The following CECR2 variants were observed in gnomAD, a reference collection of about 807,000 sequenced individuals.
CECR2 encodes chromatin remodeling regulator CECR2.
In CECR2, 30 loss-of-function variants were observed where a neutral mutation model predicts 154.5. The observed-to-expected ratio is 0.19, with a 90% CI of 0.15 to 0.26. CECR2 has a LOEUF of 0.26. Ranked by LOEUF, CECR2 falls within the 10% of genes least tolerant of loss-of-function variation. The pLI, the probability that CECR2 is intolerant of heterozygous loss-of-function variation, is 1.00. For synonymous variants in CECR2, 725 were observed against 683.7 expected (o/e 1.06, Z -0.94); for missense variants, 1,743 against 1,829.3 (o/e 0.95, Z 0.86).
chr22:17,405,220 G>A (rs1317736277), intron 1 of CECR2, among the ~76,000 whole-genome samples: 3 of 152,040 alleles, frequency 2.0e-5, no homozygotes, highest in Admixed American at 2.0e-4. Context: ...GACCAGCCTG[G>A]CCAACATAGT....
At position 17,542,986 on chromosome 22, in the gene CECR2, A is replaced by C; in HGVS notation, c.2843A>C (p.Glu948Ala). Residue 948 changes from glutamate (E) to alanine (A), a missense_variant, in exon 16 of 19, where the codon GAG (glutamate) becomes GCG (alanine). Glu to Ala is a moderately radical substitution (Grantham distance 107, BLOSUM62 -1). Transcript: ENST00000262608. Reference protein sequence around the residue: ...GRAPENSEAQEPENDQAEPLP... With the variant: ...GRAPENSEAQAPENDQAEPLP... The stretch of plus-strand genomic sequence containing the variant: ...GCACCGGAGAACAGTGAAGCACAAG[A>C]GCCTGAGAATGACCAAGGTAATTTA... 6.2e-7 allele frequency: 1 copy of C among 1,608,372 alleles called. No individual in the cohort carries two copies. The highest frequency in any genetic ancestry group is 1.1e-5 in the South Asian group (1 of 90,528).
intron 1 of CECR2, among the ~76,000 whole-genome samples, chr22:17,451,446 C>G (rs1485009479): frequency 6.6e-6 from 1 of 152,168 alleles, no homozygotes; most frequent in Non-Finnish European, 1.5e-5. Flanking sequence ...GAATGCATAG[C>G]TCAAGGGGAA....
intron 1 of CECR2, among the ~76,000 whole-genome samples, chr22:17,378,809 T>A (rs1054565096): frequency 6.6e-6 from 1 of 152,212 alleles, no homozygotes; most frequent in Non-Finnish European, 1.5e-5. Flanking sequence ...AGATGAGTTT[T>A]TCCTTGTGAT....
At chr22:17,490,905 C>T (rs2055517515) in intron 2 of CECR2, among the ~76,000 whole-genome samples, 1 of 152,040 alleles carries the variant, frequency 6.6e-6, no homozygotes, top group South Asian at 2.1e-4. Context: ...CACCCACTTC[C>T]CAGCGTCACT....
chr22:17,398,188 T>G (rs1271477102), intron 1 of CECR2, among the ~76,000 whole-genome samples: 5 of 151,258 alleles, frequency 3.3e-5, no homozygotes, highest in Admixed American at 3.3e-4. Flanking sequence ...TTAATTGCAT[T>G]TTGGTATAAC....
intron 4 of CECR2, among the ~76,000 whole-genome samples, chr22:17,499,846 T>C (rs1486486314): frequency 2.0e-5 from 3 of 152,186 alleles, no homozygotes; most frequent in Admixed American, 1.3e-4. Context: ...AGCAGCACAA[T>C]CATTTCACTG....
intron 9 of CECR2, among the ~76,000 whole-genome samples, chr22:17,526,808 CAAAAAAAAAAAA>C (rs34800488): frequency 7.0e-5 from 5 of 71,676 alleles, no homozygotes; most frequent in African/African-American, 2.5e-4. Flanking sequence ...GACTCCATCT[CAAAAAAAAAAAA>C]AAAAAAAAAA....
chr22:17,523,942 G>A (rs2056205300), intron 8 of CECR2, among the ~76,000 whole-genome samples, 176 bp from the exon 9 acceptor site: 1 of 151,942 alleles, frequency 6.6e-6, no homozygotes, highest in African/African-American at 2.4e-5. Flanking sequence ...TCTCCCTTAT[G>A]TTTTAACATT....
At position 17,542,394 on chromosome 22, in the gene CECR2, A is replaced by T; in HGVS notation, c.2251A>T (p.Ser751Cys). 6.2e-7 allele frequency: 1 copy of T among 1,613,752 alleles called. No individual in the cohort carries two copies. Among genetic ancestry groups the T allele is most frequent in the Non-Finnish European group, 8.5e-7 (1 of 1,179,858 alleles). ...AGCCCGGCCACCAGACTTTCCTGAA[A>T]GCTCAGAAATTCCTCCCAGCCATAT... Reference protein sequence around the residue: ...APARPPDFPESSEIPPSHMYR... With the variant: ...APARPPDFPECSEIPPSHMYR... Residue 751 changes from serine (S) to cysteine (C), a missense_variant, in exon 16 of 19, where the codon AGC becomes TGC. Physicochemically the swap from Ser to Cys is moderately radical, Grantham distance 112. Transcript: ENST00000262608.
intron 1 of CECR2, among the ~76,000 whole-genome samples, chr22:17,437,603 GT>G (rs1443074793): frequency 6.6e-6 from 1 of 152,012 alleles, no homozygotes; most frequent in African/African-American, 2.4e-5. Flanking sequence ...ATTTTTCATA[GT>G]ATATTACTGT....
intron 1 of CECR2, among the ~76,000 whole-genome samples, chr22:17,404,885 C>T (rs925946775): frequency 6.6e-6 from 1 of 152,114 alleles, no homozygotes; most frequent in African/African-American, 2.4e-5. Context: ...AAAAAGCCTG[C>T]TAGCATTTAG....
At chr22:17,472,088 G>A (rs1253218369) in intron 1 of CECR2, among the ~76,000 whole-genome samples, 1 of 152,172 alleles carries the variant, frequency 6.6e-6, no homozygotes, top group Non-Finnish European at 1.5e-5. Context: ...ATGCAAGGCT[G>A]AGAGGAATGA....
chr22:17,477,713 T>G, intron 2 of CECR2, 31 bp downstream of exon 2: 1 of 1,511,422 alleles, frequency 6.6e-7, no homozygotes, highest in Non-Finnish European at 9.2e-7. Flanking sequence ...TAAGCATTTC[T>G]TGCGCCAAGA....
intron 1 of CECR2, among the ~76,000 whole-genome samples, chr22:17,413,923 C>T (rs1284400090): frequency 3.3e-5 from 5 of 150,074 alleles, no homozygotes; most frequent in Non-Finnish European, 7.4e-5. Context: ...GTGATCCGCC[C>T]ACCTCGGCCT....
At chr22:17,547,354 C>G (rs560762822) in intron 16 of CECR2, among the ~76,000 whole-genome samples, 1 of 151,992 alleles carries the variant, frequency 6.6e-6, no homozygotes, top group South Asian at 2.1e-4. Flanking sequence ...CTCAGCCTCC[C>G]GAATAGCTGG....
chr22:17,365,732 G>A (rs2062999072), upstream of CECR2, among the ~76,000 whole-genome samples: 1 of 151,944 alleles, frequency 6.6e-6, no homozygotes, highest in African/African-American at 2.4e-5. Context: ...ACAAAAAAAT[G>A]TGGTTAGCCT....
intron 8 of CECR2, among the ~76,000 whole-genome samples, chr22:17,523,571 A>G (rs191286028): frequency 2.9e-3 from 442 of 151,776 alleles, no homozygotes; most frequent in African/African-American, 9.4e-3. Context: ...CCTGGCTAAC[A>G]TGGTGAAACC....
At chr22:17,407,508 T>C (rs2054002593) in intron 1 of CECR2, among the ~76,000 whole-genome samples, 1 of 151,570 alleles carries the variant, frequency 6.6e-6, no homozygotes, top group Non-Finnish European at 1.5e-5. Context: ...GGCATGAGAA[T>C]CGCTTGAACC....
intron 1 of CECR2, among the ~76,000 whole-genome samples, chr22:17,404,642 G>A (rs1296434393): frequency 6.6e-6 from 1 of 151,114 alleles, no homozygotes; most frequent in Non-Finnish European, 1.5e-5. Flanking sequence ...CAAAGTGCTG[G>A]GATTACAGGC....
Sources: allele counts gnomAD v4.1 joint callset (sites outside exome capture counted in the v4.1 genomes callset), GRCh38; gene constraint gnomAD v4.1.1; transcripts MANE v1.5; gene names NCBI Gene and HGNC (gene_info 2026-07-23, HGNC 2026-07-21).